The following EML4 variants were observed in gnomAD, a reference collection of about 807,000 sequenced individuals.
EML4 encodes the protein echinoderm microtubule-associated protein-like 4.
In EML4, 72 loss-of-function variants were observed where a neutral mutation model predicts 129.0. The ratio of observed to expected loss-of-function variants is 0.56; its 90% confidence interval spans 0.46 to 0.68. The LOEUF (loss-of-function observed/expected upper bound fraction) is 0.68, where lower values mean the gene tolerates loss of function less well. Ranked by LOEUF, EML4 falls within the 30% of genes least tolerant of loss-of-function variation. The pLI, the probability that EML4 is intolerant of heterozygous loss-of-function variation, is 0.00. For synonymous variants in EML4, 532 were observed against 405.0 expected (o/e 1.31, Z -3.77); for missense variants, 1,363 against 1,190.6 (o/e 1.14, Z -2.13).
intron 1 of EML4, among the ~76,000 whole-genome samples, chr2:42,244,101 G>GTTTTTTTTTTTTTTTTTTTT (rs147426155): frequency 2.5e-5 from 2 of 81,368 alleles, no homozygotes; most frequent in African/African-American, 3.5e-5. Flanking sequence ...TTTGTTTTTT[G>GTTTTTTTTTTTTTTTTTTTT]TTTTTTTTTT....
At chr2:42,271,689 G>GT (rs1433535991) in intron 6 of EML4, among the ~76,000 whole-genome samples, 2 of 151,696 alleles carry the variant, frequency 1.3e-5, no homozygotes, top group African/African-American at 4.9e-5. Context: ...CAAATTACGC[G>GT]TATTTTTGCT....
chr2:42,321,367 C>T (rs537951895), intron 19 of EML4, among the ~76,000 whole-genome samples: 15 of 151,872 alleles, frequency 9.9e-5, no homozygotes, highest in African/African-American at 3.4e-4. Flanking sequence ...TGGGCGACAG[C>T]GAGACTCACA....
chr2:42,264,868 G>C (rs868362644), intron 6 of EML4, 137 bp downstream of exon 6: 6 of 1,533,714 alleles, frequency 3.9e-6, no homozygotes, highest in South Asian at 3.6e-5. Flanking sequence ...TAGTCATTTA[G>C]GAAAAAACCC....
rs1317662170 is a variant in EML4, at chr2:42,330,360, C to T, written c.*153C>T. 1.3e-6 allele frequency: 1 copy of T among 741,832 alleles called. No homozygotes were observed. The highest frequency in any genetic ancestry group is 1.7e-5 in the African/African-American group (1 of 57,718). The allele number at this position is 741,832 out of a possible 1,614,324, so 46.0% of individuals were successfully genotyped here. ...TCTTCAATAGTCTTATTTTCAGTCT[C>T]TCAAATACAGCCAACTTAAAGTTTT... On this transcript the variant is annotated 3_prime_UTR_variant, in exon 23 of 23. Transcript: ENST00000318522.
chr2:42,227,775 G>GCC, intron 1 of EML4, among the ~76,000 whole-genome samples: 1 of 152,104 alleles, frequency 6.6e-6, no homozygotes, highest in Non-Finnish European at 1.5e-5. Flanking sequence ...AATGAATAGT[G>GCC]AATATATTTT....
At chr2:42,242,706 T>G (rs567466491) in intron 1 of EML4, among the ~76,000 whole-genome samples, 1 of 151,656 alleles carries the variant, frequency 6.6e-6, no homozygotes, top group Admixed American at 6.6e-5. Flanking sequence ...TCTTTTCTTT[T>G]CTTTCCTTTT....
chr2:42,309,803 A>C (rs913396387), intron 17 of EML4, among the ~76,000 whole-genome samples: 6 of 152,080 alleles, frequency 3.9e-5, no homozygotes, highest in African/African-American at 7.2e-5. Flanking sequence ...ATCTTTTTCA[A>C]ATATTTTCCT....
intron 11 of EML4, among the ~76,000 whole-genome samples, chr2:42,293,509 A>G (rs979721575): frequency 6.6e-5 from 10 of 152,206 alleles, no homozygotes; most frequent in Non-Finnish European, 1.3e-4. Context: ...TGGAACTGTG[A>G]GGGAAAAAAA....
In EML4 at chr2:42,295,461, C is replaced by A; in HGVS notation, c.1434C>A (p.Val478=). 4 of 1,613,824 alleles carry A rather than the reference C, an allele frequency of 2.5e-6. No individual in the cohort carries two copies. The highest frequency in any genetic ancestry group is 1.3e-5 in the African/African-American group (1 of 75,008). ...GDVLTGDSGG[V]MLIWSKTTVE... is the part of the protein sequence containing the mutation. ...TTCTTACTGGAGACTCAGGTGGAGT[C>A]ATGCTTATATGGAGCAAAACTACTG... The change falls in exon 13 of 23, where the codon GTC becomes GTA. Residue 478 remains valine, a synonymous_variant. Coordinates refer to ENST00000318522, the MANE Select transcript of EML4 (RefSeq NM_019063.5).
intron 1 of EML4, among the ~76,000 whole-genome samples, chr2:42,181,557 A>G (rs902668307): frequency 6.6e-6 from 1 of 152,026 alleles, no homozygotes; most frequent in Admixed American, 6.5e-5. Context: ...CAGCCTCCCA[A>G]AGTGCTGGGA....
chr2:42,258,764 G>T (rs1306564752), intron 3 of EML4, among the ~76,000 whole-genome samples: 1 of 152,190 alleles, frequency 6.6e-6, no homozygotes, highest in Non-Finnish European at 1.5e-5. Flanking sequence ...TCAAGGGCCA[G>T]TCTGAAGTCA....
intron 18 of EML4, 53 bp from the exon 19 acceptor site, chr2:42,317,373 TA>T: frequency 1.8e-6 from 2 of 1,129,912 alleles, no homozygotes; most frequent in Non-Finnish European, 2.6e-6. Flanking sequence ...AAAATAACAG[TA>T]AATAAATTTA....
intron 1 of EML4, among the ~76,000 whole-genome samples, chr2:42,208,901 A>C (rs769506922): frequency 6.6e-6 from 1 of 152,080 alleles, no homozygotes; most frequent in Non-Finnish European, 1.5e-5. Context: ...AAGAAATAGA[A>C]GTTAGTCACT....
At chr2:42,288,390 ATATT>A in intron 11 of EML4, 68 bp downstream of exon 11, 1 of 802,464 alleles carries the variant, frequency 1.2e-6, no homozygotes, top group South Asian at 1.6e-5. Flanking sequence ...ATTTGGAACT[ATATT>A]GGTATTAGAA....
In EML4 at chr2:42,288,233, G is replaced by T. The variant is rs779379547; in HGVS notation, c.1129G>T (p.Gly377Cys). The T allele has an allele frequency of 1.2e-5, 17 of 1,401,264 alleles. No homozygotes were observed. Among genetic ancestry groups the T allele is most frequent in the Non-Finnish European group, 1.7e-5 (17 of 1,011,684 alleles). 86.8% of individuals were successfully genotyped at this position (1,401,264 alleles called of 1,614,324 possible). A position where few individuals can be genotyped will look rare whatever the true frequency, so the allele number is the denominator to read the frequency against. The change falls in exon 11 of 23, where the codon GGT (glycine) becomes TGT (cysteine). Residue 377 changes from glycine (G) to cysteine (C), a missense_variant. Coordinates refer to ENST00000318522, the MANE Select transcript of EML4 (RefSeq NM_019063.5). ...GCLDFSKADS[G>C]VHLCIIDDSN... ...CTGATTGACTTTTCTTTAGGATTCA[G>T]GTGTTCATTTATGTATTATTGATGA...
At chr2:42,309,667 A>G (rs1461143806) in intron 17 of EML4, among the ~76,000 whole-genome samples, 1 of 152,088 alleles carries the variant, frequency 6.6e-6, no homozygotes, top group African/African-American at 2.4e-5. Context: ...CATTTCTTCA[A>G]GTACTTATTG....
At position 42,263,422 on chromosome 2, in the gene EML4, T is replaced by G. The variant is rs1320806440; in HGVS notation, c.641+116T>G. 1.5e-3 allele frequency: 1,137 copies of G among 755,726 alleles called. 9 individuals are homozygous for G. Among genetic ancestry groups the G allele is most frequent in the Non-Finnish European group, 1.9e-3 (1,034 of 532,494 alleles). The allele number at this position is 755,726 out of a possible 1,614,324, so 46.8% of individuals were successfully genotyped here. On this transcript the variant is annotated intron_variant, in intron 5 of 22. Transcript: ENST00000318522. Reference sequence around the variant, plus strand: ...TCTTTTTTTTTTTTTTTTTTTTTTTTTGTGACAGAGTCTTGCTCTGTCGCC... The same window carrying G: ...TCTTTTTTTTTTTTTTTTTTTTTTTGTGTGACAGAGTCTTGCTCTGTCGCC...
At chr2:42,279,759 C>G (rs1445477157) in intron 6 of EML4, among the ~76,000 whole-genome samples, 1 of 146,968 alleles carries the variant, frequency 6.8e-6, no homozygotes, top group East Asian at 1.9e-4. Context: ...CAGGCGTGAG[C>G]CACCGCGCCC....
Position 42,332,046 on chromosome 2 carries a change from G to A in EML4, c.*1839G>A, listed in dbSNP as rs1169067485. 9.0e-6 allele frequency: 2 copies of A among 222,276 alleles called. No individual in the cohort carries two copies. The highest frequency in any genetic ancestry group is 1.8e-5 in the Non-Finnish European group (2 of 111,030). 13.8% of individuals were successfully genotyped at this position (222,276 alleles called of 1,614,324 possible). On this transcript the variant is annotated 3_prime_UTR_variant, in exon 23 of 23. Coordinates refer to ENST00000318522, the MANE Select transcript of EML4 (RefSeq NM_019063.5). ...ATCGGAGCGCGCCAGTAAGTATCAG[G>A]CATATATATCTGTCTGTTAGCAATG...
Sources: allele counts gnomAD v4.1 joint callset (sites outside exome capture counted in the v4.1 genomes callset), GRCh38; gene constraint gnomAD v4.1.1; transcripts MANE v1.5; gene names NCBI Gene and HGNC (gene_info 2026-07-23, HGNC 2026-07-21).